PITPNC1: variants seen among roughly 807,000 people sequenced by gnomAD.
PITPNC1 encodes the protein cytoplasmic phosphatidylinositol transfer protein 1.
In PITPNC1, 18 loss-of-function variants were observed where a neutral mutation model predicts 44.7. The ratio of observed to expected loss-of-function variants is 0.40; its 90% confidence interval spans 0.28 to 0.60. The LOEUF (loss-of-function observed/expected upper bound fraction) is 0.60. Ranked by LOEUF, PITPNC1 falls within the 20% of genes least tolerant of loss-of-function variation. The pLI is 0.39. For synonymous variants in PITPNC1, 141 were observed against 149.6 expected, an observed-to-expected ratio of 0.94 and a Z score of 0.42; for missense variants, 290 against 418.4, an observed-to-expected ratio of 0.69 and a Z score of 2.68.
intron 2 of PITPNC1, among the ~76,000 whole-genome samples, chr17:67,544,942 C>T (rs2040658030): frequency 6.6e-6 from 1 of 152,178 alleles, no homozygotes; most frequent in Non-Finnish European, 1.5e-5. Context: ...AGCTCATTTT[C>T]ATGCTATTTT....
intron 1 of PITPNC1, among the ~76,000 whole-genome samples, chr17:67,393,415 T>A (rs920783622): frequency 8.5e-5 from 13 of 152,154 alleles, no homozygotes; most frequent in African/African-American, 3.1e-4. Context: ...AGGTTTTTTT[T>A]TTTAATTGGT....
chr17:67,406,282 C>T (rs1033795082), intron 1 of PITPNC1, among the ~76,000 whole-genome samples: 1 of 151,554 alleles, frequency 6.6e-6, no homozygotes, highest in Non-Finnish European at 1.5e-5. Flanking sequence ...AGCTGGATTT[C>T]AGGTGTGTGT....
chr17:67,682,481 T>A (rs2042729164), intron 8 of PITPNC1, among the ~76,000 whole-genome samples: 1 of 151,466 alleles, frequency 6.6e-6, no homozygotes, highest in Non-Finnish European at 1.5e-5. Flanking sequence ...GAGATAAGAG[T>A]CTGGGATCTG....
At position 67,497,863 on chromosome 17, in the gene PITPNC1, C is replaced by CTT. The variant is rs372628446; in HGVS notation, c.49-34926_49-34925dup. Among the ~76,000 whole-genome samples the CTT allele has an allele frequency of 2.6e-4, 34 of 131,734 alleles. 1 individual carries two copies. The highest frequency in any genetic ancestry group is 9.2e-4 in the African/African-American group (33 of 35,962). 86.4% of individuals were successfully genotyped at this position (131,734 alleles called of 152,430 possible). The stretch of plus-strand genomic sequence containing the variant: ...TTTGTGCACTTGTGTATTTTTCTTT[C>CTT]TTTTTTTTTTTTTTCAAGATGGAGT... On this transcript the variant is annotated intron_variant, in intron 1 of 8. Coordinates refer to ENST00000581322, the MANE Select transcript of PITPNC1 (RefSeq NM_012417.4).
chr17:67,533,124 T>G (rs796720338), intron 2 of PITPNC1, among the ~76,000 whole-genome samples, 174 bp downstream of exon 2: 58 of 152,208 alleles, frequency 3.8e-4, no homozygotes, highest in African/African-American at 1.4e-3. Flanking sequence ...CCGAGCGAGG[T>G]GGCTCATGCC....
chr17:67,647,464 G>GTTTTTTTTTTT lies in PITPNC1; in HGVS notation c.462+15245_462+15255dup, dbSNP rs60407940. ...CACCATCACACCCAGCTAATTTTGG[G>GTTTTTTTTTTT]TTTTTTTTTTTTTTTTTTTTTTTTT... On this transcript the variant is annotated intron_variant, in intron 6 of 8. Coordinates refer to ENST00000581322, the MANE Select transcript of PITPNC1 (RefSeq NM_012417.4). Among the ~76,000 whole-genome samples the GTTTTTTTTTTT allele has an allele frequency of 4.3e-4, 31 of 72,362 alleles. 2 individuals are homozygous for GTTTTTTTTTTT. The highest frequency in any genetic ancestry group is 1.3e-3 in the African/African-American group (29 of 22,272). 47.5% of individuals were successfully genotyped at this position (72,362 alleles called of 152,430 possible). A position where few individuals can be genotyped will look rare whatever the true frequency, so the allele number is the denominator to read the frequency against.
rs1256085626 is a variant in PITPNC1, at chr17:67,536,306, C to T, written c.197+3356C>T. Among the ~76,000 whole-genome samples, 4 of 152,088 alleles carry T rather than the reference C, an allele frequency of 2.6e-5. No homozygotes were observed. In the East Asian group the frequency reaches 5.8e-4, roughly 22 times the overall value. ...TTTTTGAGACAGCCAGCTCCGTCAC[C>T]CAGGCTGGAGTGCAGTGGTGCAATC... On this transcript the variant is annotated intron_variant, in intron 2 of 8. Transcript: ENST00000581322.
At chr17:67,587,928 G>A (rs541003892) in intron 5 of PITPNC1, among the ~76,000 whole-genome samples, 99 of 152,312 alleles carry the variant, frequency 6.5e-4, no homozygotes, top group Non-Finnish European at 7.5e-4. Context: ...AGCTGACAAA[G>A]AGGGAATTTT....
At position 67,551,451 on chromosome 17, in the gene PITPNC1, C is replaced by T. The variant is rs114506358; in HGVS notation, c.198-806C>T. Among the ~76,000 whole-genome samples the T allele has an allele frequency of 4.0e-3, 611 of 152,270 alleles. 4 individuals carry two copies. The highest frequency in any genetic ancestry group is 0.013 in the African/African-American group (540 of 41,532). On this transcript the variant is annotated intron_variant, in intron 2 of 8. Coordinates refer to ENST00000581322, the MANE Select transcript of PITPNC1 (RefSeq NM_012417.4). ...GGGGAAACTGAGAGAGAATCTGTCCCGGGCCTCTGTCCCAGCTTCTTGTGT... is the reference window on the plus strand; with the variant it reads ...GGGGAAACTGAGAGAGAATCTGTCCTGGGCCTCTGTCCCAGCTTCTTGTGT...
chr17:67,634,779 G>A (rs113804531), intron 6 of PITPNC1, among the ~76,000 whole-genome samples: 2,506 of 150,684 alleles, frequency 0.017, 65 homozygotes, highest in African/African-American at 0.057. Flanking sequence ...CAGGCCGGGC[G>A]CAGTGCCTCA....
At chr17:67,632,534 G>A in intron 6 of PITPNC1, 1 of 312,264 alleles carries the variant, frequency 3.2e-6, no homozygotes, top group East Asian at 5.4e-5. Flanking sequence ...CACTGGCCTT[G>A]CTGAAAAACA....
intron 1 of PITPNC1, among the ~76,000 whole-genome samples, chr17:67,396,518 C>T (rs897183400): frequency 3.3e-5 from 5 of 151,580 alleles, no homozygotes; most frequent in African/African-American, 4.9e-5. Context: ...TTACAGGCAC[C>T]GGCCACCACA....
intron 8 of PITPNC1, among the ~76,000 whole-genome samples, chr17:67,683,093 G>A (rs989280535): frequency 5.5e-5 from 8 of 146,756 alleles, no homozygotes; most frequent in Non-Finnish European, 8.9e-5. Context: ...CCGGAAGGCC[G>A]AGTTTGTGGT....
At chr17:67,568,261 G>A (rs1337212503) in intron 4 of PITPNC1, among the ~76,000 whole-genome samples, 1 of 152,174 alleles carries the variant, frequency 6.6e-6, no homozygotes, top group Non-Finnish European at 1.5e-5. Context: ...GACCACATAT[G>A]ATACACTTCC....
At chr17:67,383,346 A>C (rs1227700623) in intron 1 of PITPNC1, among the ~76,000 whole-genome samples, 1 of 152,206 alleles carries the variant, frequency 6.6e-6, no homozygotes, top group East Asian at 1.9e-4. Flanking sequence ...TTTAAGGCTC[A>C]AGGCTGTTCT....
At chr17:67,505,627 A>G (rs948149586) in intron 1 of PITPNC1, among the ~76,000 whole-genome samples, 12 of 152,236 alleles carry the variant, frequency 7.9e-5, no homozygotes, top group African/African-American at 2.4e-4. Context: ...ACTATCTCCT[A>G]TAGACAGCAT....
At chr17:67,636,285 A>G in intron 6 of PITPNC1, among the ~76,000 whole-genome samples, 1 of 141,928 alleles carries the variant, frequency 7.0e-6, no homozygotes, top group Non-Finnish European at 1.5e-5. Flanking sequence ...CCGTTTCAAA[A>G]AAAAAAAAAA....
intron 1 of PITPNC1, among the ~76,000 whole-genome samples, chr17:67,409,117 G>A (rs1448153253): frequency 5.0e-5 from 6 of 120,640 alleles, no homozygotes; most frequent in East Asian, 2.3e-4. Context: ...TCGCTCTGTC[G>A]CCCAGGCCGG....
intron 1 of PITPNC1, among the ~76,000 whole-genome samples, chr17:67,453,361 A>G (rs549559481): frequency 6.6e-6 from 1 of 152,102 alleles, no homozygotes; most frequent in East Asian, 1.9e-4. Context: ...GGTAATGGAG[A>G]AAATATAGAC....
Sources: allele counts gnomAD v4.1 joint callset (sites outside exome capture counted in the v4.1 genomes callset), GRCh38; gene constraint gnomAD v4.1.1; transcripts MANE v1.5; gene names NCBI Gene and HGNC (gene_info 2026-07-23, HGNC 2026-07-21).